Variants in MGAT4C observed in about 807,000 individuals in gnomAD.
MGAT4C encodes alpha-1,3-mannosyl-glycoprotein 4-beta-N-acetylglucosaminyltransferase C.
Under a neutral mutation model 40.1 loss-of-function variants are expected in MGAT4C, and 19 were observed. That is an observed-to-expected ratio of 0.47 (90% CI 0.33 to 0.70). The LOEUF (loss-of-function observed/expected upper bound fraction) is 0.70, where lower values mean the gene tolerates loss of function less well. MGAT4C is among the 30% of genes least tolerant of loss of function. The pLI is 0.02. For missense variants in MGAT4C, 491 were observed against 563.2 expected, an observed-to-expected ratio of 0.87 and a Z score of 1.30; for synonymous variants, 181 against 187.1, an observed-to-expected ratio of 0.97 and a Z score of 0.27.
intron 3 of MGAT4C, among the ~76,000 whole-genome samples, chr12:86,338,440 T>G (rs1233116314): frequency 6.6e-6 from 1 of 152,198 alleles, no homozygotes; most frequent in African/African-American, 2.4e-5. Context: ...CCATAATTTC[T>G]AATCTTGTGG....
At chr12:86,090,242 C>A (rs931073369) in intron 1 of MGAT4C, among the ~76,000 whole-genome samples, 1 of 151,374 alleles carries the variant, frequency 6.6e-6, no homozygotes, top group Non-Finnish European at 1.5e-5. Flanking sequence ...TATGATGGTA[C>A]TAAACATATT....
intron 2 of MGAT4C, among the ~76,000 whole-genome samples, chr12:86,516,215 G>A (rs572655629): frequency 6.6e-6 from 1 of 152,232 alleles, no homozygotes; most frequent in Admixed American, 6.5e-5. Flanking sequence ...GAGAGCTACA[G>A]TAATCAAGAT....
intron 2 of MGAT4C, among the ~76,000 whole-genome samples, chr12:86,561,715 T>C (rs1959871377): frequency 1.3e-5 from 2 of 152,290 alleles, no homozygotes; most frequent in African/African-American, 4.8e-5. Flanking sequence ...ATCCTGTGAG[T>C]CAATGCTCCT....
intron 1 of MGAT4C, among the ~76,000 whole-genome samples, chr12:86,205,489 A>C (rs1950216194): frequency 6.6e-6 from 1 of 151,650 alleles, no homozygotes; most frequent in Admixed American, 6.6e-5. Context: ...TTTCAACATT[A>C]GTTTAGTATC....
rs569844396 is a variant in MGAT4C at position 86,367,852 on chromosome 12, C to A, written c.-119-33725G>T. On this transcript the variant is annotated intron_variant, in intron 3 of 7. Coordinates refer to the MGAT4C transcript ENST00000548651. ...CAAAAAACAACAACAACAAAAAAAA[C>A]AACTCTTAAACTCTTAGTCTCTAAG... Among the ~76,000 whole-genome samples, 248 of 152,064 alleles carry A rather than the reference C, an allele frequency of 1.6e-3. 1 individual carries two copies. The highest frequency in any genetic ancestry group is 6.8e-3 in the Middle Eastern group (2 of 294).
intron 1 of MGAT4C, among the ~76,000 whole-genome samples, chr12:86,157,938 A>C (rs1175901931): frequency 6.6e-6 from 1 of 152,196 alleles, no homozygotes; most frequent in Non-Finnish European, 1.5e-5. Flanking sequence ...TCTATGACTT[A>C]TACAATTCAG....
intron 3 of MGAT4C, among the ~76,000 whole-genome samples, chr12:86,379,163 T>A (rs1040471612): frequency 6.6e-6 from 1 of 152,126 alleles, no homozygotes; most frequent in Non-Finnish European, 1.5e-5. Context: ...ATTTACCTTA[T>A]AAATTTGTGG....
At chr12:86,339,052 A>T (rs1251255157) in intron 3 of MGAT4C, among the ~76,000 whole-genome samples, 2 of 151,642 alleles carry the variant, frequency 1.3e-5, no homozygotes, top group Non-Finnish European at 2.9e-5. Flanking sequence ...CTTTATGCTG[A>T]TAACATGCAT....
chr12:86,116,959 T>C (rs921860371), intron 1 of MGAT4C, among the ~76,000 whole-genome samples: 2 of 152,108 alleles, frequency 1.3e-5, no homozygotes, highest in African/African-American at 4.8e-5. Flanking sequence ...GTATTTTCTA[T>C]CAGTGTGAGG....
chr12:86,181,185 C>G (rs1888080827), intron 1 of MGAT4C, among the ~76,000 whole-genome samples: 1 of 152,078 alleles, frequency 6.6e-6, no homozygotes, highest in African/African-American at 2.4e-5. Flanking sequence ...CCTTTTGCCT[C>G]CTGCCATGAT....
chr12:86,353,732 T>C (rs923095902), intron 3 of MGAT4C, among the ~76,000 whole-genome samples: 2 of 152,158 alleles, frequency 1.3e-5, no homozygotes, highest in African/African-American at 4.8e-5. Context: ...TTCTCTCTCA[T>C]TATAGAAAGT....
chr12:86,490,431 T>C lies in MGAT4C; in HGVS notation c.-228-55166A>G, dbSNP rs538559415. On this transcript the variant is annotated intron_variant, in intron 2 of 7. Transcript: ENST00000548651. ...AAGAGCTCCTGAAGGAAGCACTAAA[T>C]GTGGAAAGGAACAACCGGTACCAGC... Among the ~76,000 whole-genome samples the C allele has an allele frequency of 3.3e-3, 496 of 152,052 alleles. 1 individual carries two copies. Among genetic ancestry groups the C allele is most frequent in the African/African-American group, 0.011 (477 of 41,504 alleles).
chr12:86,567,154 C>T (rs1048572809), intron 2 of MGAT4C, among the ~76,000 whole-genome samples: 1 of 152,054 alleles, frequency 6.6e-6, no homozygotes, highest in Admixed American at 6.6e-5. Flanking sequence ...TACTGTTTCT[C>T]CCATAGCCAG....
chr12:86,558,325 G>A (rs1959707951), intron 2 of MGAT4C, among the ~76,000 whole-genome samples: 1 of 152,060 alleles, frequency 6.6e-6, no homozygotes, highest in African/African-American at 2.4e-5. Flanking sequence ...AGTCTTACAA[G>A]TGATATTGAT....
chr12:86,338,634 G>A (rs946303675), intron 3 of MGAT4C, among the ~76,000 whole-genome samples: 4 of 152,060 alleles, frequency 2.6e-5, no homozygotes, highest in Admixed American at 6.6e-5. Context: ...AGATGGAGTC[G>A]GTTAGGTTAG....
At chr12:86,289,480 T>G (rs981746567) in intron 4 of MGAT4C, among the ~76,000 whole-genome samples, 1 of 152,226 alleles carries the variant, frequency 6.6e-6, no homozygotes, top group Non-Finnish European at 1.5e-5. Flanking sequence ...GTAATGAATC[T>G]GTAAATTGCT....
intron 4 of MGAT4C, among the ~76,000 whole-genome samples, chr12:86,284,561 T>C (rs892289025): frequency 6.6e-6 from 1 of 151,968 alleles, no homozygotes; most frequent in Non-Finnish European, 1.5e-5. Context: ...ATCCCTTATG[T>C]TTATTATGAC....
chr12:86,007,303 T>C (rs993063332), intron 2 of MGAT4C, among the ~76,000 whole-genome samples: 29 of 152,152 alleles, frequency 1.9e-4, no homozygotes, highest in African/African-American at 7.0e-4. Flanking sequence ...ATCTTCCACC[T>C]AGATGAGTCC....
At chr12:86,094,606 A>C (rs908059427) in intron 1 of MGAT4C, among the ~76,000 whole-genome samples, 2 of 152,162 alleles carry the variant, frequency 1.3e-5, no homozygotes, top group Non-Finnish European at 2.9e-5. Context: ...ATTATTAAAA[A>C]TAGGATTACA....
Sources: allele counts gnomAD v4.1 joint callset (sites outside exome capture counted in the v4.1 genomes callset), GRCh38; gene constraint gnomAD v4.1.1; transcripts MANE v1.5; gene names NCBI Gene and HGNC (gene_info 2026-07-23, HGNC 2026-07-21).